The following ZSWIM6 variants were observed in gnomAD, a reference collection of about 807,000 sequenced individuals.
ZSWIM6 encodes the protein zinc finger SWIM-type containing 6, also known as zinc finger SWIM domain-containing protein 6.
Under a neutral mutation model 113.2 loss-of-function variants are expected in ZSWIM6, and 9 were observed. The observed-to-expected ratio is 0.08, with a 90% CI of 0.05 to 0.14. The LOEUF (loss-of-function observed/expected upper bound fraction) is 0.14. ZSWIM6 is among the 10% of genes least tolerant of loss of function. ZSWIM6 has a pLI of 1.00. For synonymous variants in ZSWIM6, 611 were observed against 606.5 expected, an observed-to-expected ratio of 1.01 and a Z score of -0.11; for missense variants, 1,162 against 1,552.2, an observed-to-expected ratio of 0.75 and a Z score of 4.22.
At chr5:61,466,146 T>C (rs999588563) in intron 1 of ZSWIM6, among the ~76,000 whole-genome samples, 3 of 152,188 alleles carry the variant, frequency 2.0e-5, no homozygotes, top group African/African-American at 7.2e-5. Flanking sequence ...TTAATATCGA[T>C]TATTGTAGTG....
At chr5:61,440,718 G>A (rs1315671791) in intron 1 of ZSWIM6, among the ~76,000 whole-genome samples, 2 of 152,280 alleles carry the variant, frequency 1.3e-5, no homozygotes, top group East Asian at 1.9e-4. Flanking sequence ...TGTTTGGGGC[G>A]TTCAGGCCCT....
At chr5:61,342,663 A>G (rs1341449425) in intron 1 of ZSWIM6, among the ~76,000 whole-genome samples, 1 of 152,178 alleles carries the variant, frequency 6.6e-6, no homozygotes, top group African/African-American at 2.4e-5. Context: ...ATTGTGATCA[A>G]AGGTATCATT....
At chr5:61,436,003 A>T (rs1746698063) in intron 1 of ZSWIM6, among the ~76,000 whole-genome samples, 1 of 152,178 alleles carries the variant, frequency 6.6e-6, no homozygotes, top group East Asian at 1.9e-4. Flanking sequence ...GGAGTTCAAG[A>T]CCAGCCTGAC....
intron 1 of ZSWIM6, among the ~76,000 whole-genome samples, chr5:61,384,496 T>C (rs1287756034): frequency 6.6e-6 from 1 of 152,162 alleles, no homozygotes; most frequent in East Asian, 1.9e-4. Context: ...GCCACCACTC[T>C]CATAAAACCT....
At chr5:61,384,945 A>G (rs1377885253) in intron 1 of ZSWIM6, among the ~76,000 whole-genome samples, 4 of 152,180 alleles carry the variant, frequency 2.6e-5, no homozygotes, top group African/African-American at 9.7e-5. Flanking sequence ...CTGTAGTCCC[A>G]GCTACTCAGG....
intron 2 of ZSWIM6, among the ~76,000 whole-genome samples, chr5:61,483,842 A>G (rs923615977): frequency 6.6e-6 from 1 of 151,668 alleles, no homozygotes; most frequent in Non-Finnish European, 1.5e-5. Context: ...GCACCACTGC[A>G]CTCCAGCCTG....
chr5:61,398,613 C>G (rs116123930), intron 1 of ZSWIM6, among the ~76,000 whole-genome samples: 1 of 152,082 alleles, frequency 6.6e-6, no homozygotes, highest in Non-Finnish European at 1.5e-5. Context: ...CTTGGAACCT[C>G]GTTTTTCCTT....
rs182464158 is a variant in ZSWIM6, at chr5:61,377,921, A to T, written c.676+44973A>T. Among the ~76,000 whole-genome samples, 101 of 152,352 alleles carry T rather than the reference A, an allele frequency of 6.6e-4. 1 individual carries two copies. Among genetic ancestry groups the T allele is most frequent in the Admixed American group, 6.4e-3 (98 of 15,308 alleles). ...TACATGATGAGAAGGTGAGGTGCTC[A>T]CTTGATTTATAAGAGAAATGAAAAT... On this transcript the variant is annotated intron_variant, in intron 1 of 13. Transcript: ENST00000252744.
intron 4 of ZSWIM6, among the ~76,000 whole-genome samples, chr5:61,502,886 G>GCCCCGGCAACTGCCA (rs1554038800): frequency 2.6e-5 from 4 of 152,124 alleles, no homozygotes; most frequent in Non-Finnish European, 5.9e-5. Flanking sequence ...CCAAAACCAT[G>GCCCCGGCAACTGCCA]CCCCGGCAAC....
At chr5:61,375,991 C>T in intron 1 of ZSWIM6, 1 of 556,554 alleles carries the variant, frequency 1.8e-6, no homozygotes. Context: ...ATTCAGTAGC[C>T]ACTCAGATGC....
Position 61,535,636 on chromosome 5 carries a change from C to T in ZSWIM6, c.2381+17C>T. On this transcript the variant is annotated intron_variant, in intron 10 of 13. Coordinates refer to ENST00000252744, the MANE Select transcript of ZSWIM6 (RefSeq NM_020928.2). ...AGCAATGCGGTATGTATTCACAGCC[C>T]AGCTGGGCAGAGGCAGGCCACATTC... 2 of 1,550,288 alleles carry T rather than the reference C, an allele frequency of 1.3e-6. No homozygotes were observed. The highest frequency in any genetic ancestry group is 8.7e-7 in the Non-Finnish European group (1 of 1,146,354).
chr5:61,424,514 C>T (rs1746424161), intron 1 of ZSWIM6, among the ~76,000 whole-genome samples: 1 of 152,160 alleles, frequency 6.6e-6, no homozygotes, highest in Admixed American at 6.5e-5. Context: ...TCAGGCACTT[C>T]AAGGTCCATT....
At chr5:61,388,317 A>G (rs1745632023) in intron 1 of ZSWIM6, among the ~76,000 whole-genome samples, 1 of 152,116 alleles carries the variant, frequency 6.6e-6, no homozygotes, top group Non-Finnish European at 1.5e-5. Flanking sequence ...TGTGTTTGTA[A>G]AAGTCTATAC....
At chr5:61,333,228 G>T (rs2112015012) in intron 1 of ZSWIM6, among the ~76,000 whole-genome samples, 1 of 151,974 alleles carries the variant, frequency 6.6e-6, no homozygotes, top group East Asian at 2.0e-4. Flanking sequence ...TCCCCTACCC[G>T]CCCTCCTCCG....
In ZSWIM6 at chr5:61,476,100, A is replaced by G. The variant is rs528596448; in HGVS notation, c.1033+3063A>G. ...TCCAAATCTTTTTTGGAAGAAAGAC[A>G]TAATTTATGAGTAAATACAAAATAT... On this transcript the variant is annotated intron_variant, in intron 2 of 13. Coordinates refer to ENST00000252744, the MANE Select transcript of ZSWIM6 (RefSeq NM_020928.2). Among the ~76,000 whole-genome samples, 7 of 152,372 alleles carry G rather than the reference A, an allele frequency of 4.6e-5. No individual in the cohort carries two copies. In the South Asian group the frequency reaches 1.4e-3, roughly 32 times the overall value.
rs536115221 is a variant in ZSWIM6 at position 61,540,821 on chromosome 5, G to A, written c.2703+1062G>A. Among the ~76,000 whole-genome samples, 10 of 150,668 alleles carry A rather than the reference G, an allele frequency of 6.6e-5. No individual in the cohort carries two copies. In the South Asian group the frequency reaches 1.7e-3, roughly 25 times the overall value. On this transcript the variant is annotated intron_variant, in intron 12 of 13. Transcript: ENST00000252744. The stretch of plus-strand genomic sequence containing the variant: ...TTGACTCATTCTTTCTAGAACCTAA[G>A]AAGGAATCTCACAGGCCCTTTGTGA...
At chr5:61,519,844 A>T (rs1455732520) in intron 4 of ZSWIM6, among the ~76,000 whole-genome samples, 1 of 152,138 alleles carries the variant, frequency 6.6e-6, no homozygotes, top group Non-Finnish European at 1.5e-5. Context: ...TGCTTTCGGG[A>T]TGAAACTGTA....
chr5:61,362,700 G>A (rs1745055628), intron 1 of ZSWIM6, among the ~76,000 whole-genome samples: 1 of 152,088 alleles, frequency 6.6e-6, no homozygotes, highest in African/African-American at 2.4e-5. Context: ...CTTAGATTAT[G>A]CCAATTATCC....
At chr5:61,344,347 A>G (rs1744611461) in intron 1 of ZSWIM6, among the ~76,000 whole-genome samples, 1 of 152,192 alleles carries the variant, frequency 6.6e-6, no homozygotes, top group Non-Finnish European at 1.5e-5. Flanking sequence ...GACAGTGGTG[A>G]AGCTGATGAG....
Sources: gnomAD v4.1 joint callset for allele counts (sites outside exome capture counted in the v4.1 genomes callset) on GRCh38, gnomAD v4.1.1 for gene constraint, MANE v1.5 for transcripts, NCBI Gene and HGNC (gene_info 2026-07-23, HGNC 2026-07-21) for gene names.